Variants in SLC39A11 observed in about 807,000 individuals in gnomAD.
SLC39A11 encodes the protein zinc transporter ZIP11.
SLC39A11 carries 33 observed loss-of-function variants against 36.1 expected under a neutral mutation model. The observed-to-expected ratio is 0.91, with a 90% CI of 0.69 to 1.22. The LOEUF (loss-of-function observed/expected upper bound fraction) is 1.22, where lower values mean the gene tolerates loss of function less well. Ranked by LOEUF, SLC39A11 falls within the 50% of genes most tolerant of loss-of-function variation. The probability of loss-of-function intolerance (pLI) is 0.00; values close to 1 mark genes in which losing one functional copy is unlikely to be tolerated. For synonymous variants in SLC39A11, 166 were observed against 170.3 expected (o/e 0.97, Z 0.20); for missense variants, 432 against 430.3 (o/e 1.00, Z -0.03).
At chr17:72,969,865 T>C (rs972193548) in intron 4 of SLC39A11, among the ~76,000 whole-genome samples, 6 of 152,170 alleles carry the variant, frequency 3.9e-5, no homozygotes, top group Admixed American at 6.5e-5. Flanking sequence ...CAGAATATAA[T>C]GGCCTCTAAA....
chr17:73,083,002 G>GGACAACA (rs1375055118), intron 3 of SLC39A11, among the ~76,000 whole-genome samples: 3 of 124,900 alleles, frequency 2.4e-5, no homozygotes, highest in Non-Finnish European at 4.8e-5. Flanking sequence ...GACAACAGAG[G>GGACAACA]GAGACTCCAT....
intron 6 of SLC39A11, among the ~76,000 whole-genome samples, chr17:72,749,414 A>G (rs1057212511): frequency 7.2e-5 from 11 of 152,188 alleles, no homozygotes; most frequent in African/African-American, 2.2e-4. Flanking sequence ...GATTCACTGT[A>G]TGAAAGTGGA....
At chr17:72,714,784 A>C (rs111705612) in intron 7 of SLC39A11, among the ~76,000 whole-genome samples, 277 of 152,320 alleles carry the variant, frequency 1.8e-3, no homozygotes, top group African/African-American at 6.4e-3. Flanking sequence ...CATGGTCTGC[A>C]GCTGTTCACC....
intron 7 of SLC39A11, among the ~76,000 whole-genome samples, chr17:72,689,321 G>T (rs1325259100): frequency 1.3e-5 from 2 of 152,218 alleles, no homozygotes; most frequent in Non-Finnish European, 2.9e-5. Flanking sequence ...GTAATTGTTT[G>T]AAAGCGTTCA....
At chr17:72,902,499 GA>G (rs2146960326) in intron 5 of SLC39A11, among the ~76,000 whole-genome samples, 1 of 152,304 alleles carries the variant, frequency 6.6e-6, no homozygotes, top group Admixed American at 6.5e-5. Flanking sequence ...TGGTCTCCCT[GA>G]GAAAATAAAT....
intron 5 of SLC39A11, among the ~76,000 whole-genome samples, chr17:72,930,059 G>C (rs1182837143): frequency 6.6e-6 from 1 of 152,188 alleles, no homozygotes; most frequent in African/African-American, 2.4e-5. Context: ...CAGTTTCTGA[G>C]TTGAAATGTC....
chr17:72,784,663 T>C (rs2076442012), intron 6 of SLC39A11, among the ~76,000 whole-genome samples: 1 of 151,928 alleles, frequency 6.6e-6, no homozygotes, highest in Admixed American at 6.6e-5. Context: ...CGAGAGCTGG[T>C]TGTTTAAAAG....
intron 3 of SLC39A11, among the ~76,000 whole-genome samples, chr17:73,047,317 C>T (rs1415335920): frequency 6.6e-6 from 1 of 152,022 alleles, no homozygotes. Flanking sequence ...AGCCACCGCG[C>T]CCGGCAAGAA....
At chr17:72,754,041 TATATACACATACACAC>T (rs1337427549) in intron 6 of SLC39A11, among the ~76,000 whole-genome samples, 7 of 54,546 alleles carry the variant, frequency 1.3e-4, no homozygotes, top group Admixed American at 6.6e-4. Flanking sequence ...TATATATATA[TATATACACATACACAC>T]ACACACACAC....
chr17:72,778,451 A>C (rs763182082), intron 6 of SLC39A11, among the ~76,000 whole-genome samples: 24 of 152,390 alleles, frequency 1.6e-4, no homozygotes, highest in Non-Finnish European at 3.2e-4. Context: ...GTTCACCCTT[A>C]AGCACTGATA....
chr17:72,729,434 TATA>T (rs2074097051), intron 7 of SLC39A11, among the ~76,000 whole-genome samples: 2 of 3,474 alleles, frequency 5.8e-4, no homozygotes, highest in South Asian at 8.2e-3. Flanking sequence ...TATATATATA[TATA>T]TATATATATA....
chr17:72,753,028 T>C (rs2075213705), intron 6 of SLC39A11, among the ~76,000 whole-genome samples: 1 of 152,038 alleles, frequency 6.6e-6, no homozygotes. Context: ...GCTAATTTAT[T>C]TTTAGTTTTT....
At chr17:72,773,847 C>T (rs1014876304) in intron 6 of SLC39A11, among the ~76,000 whole-genome samples, 1 of 152,182 alleles carries the variant, frequency 6.6e-6, no homozygotes, top group African/African-American at 2.4e-5. Flanking sequence ...TAGCCACAGA[C>T]AAGGAGGAAC....
At chr17:72,684,633 G>A (rs905641126) in intron 7 of SLC39A11, among the ~76,000 whole-genome samples, 2 of 152,150 alleles carry the variant, frequency 1.3e-5, no homozygotes, top group African/African-American at 2.4e-5. Flanking sequence ...CTGGTTTATC[G>A]CGGCCACCAC....
At chr17:72,772,273 CT>C (rs1257610680) in intron 6 of SLC39A11, among the ~76,000 whole-genome samples, 5 of 152,232 alleles carry the variant, frequency 3.3e-5, no homozygotes, top group African/African-American at 1.2e-4. Context: ...CTCTGTGCCA[CT>C]GCTGGCACGT....
chr17:73,009,846 TC>T (rs1229961573), intron 4 of SLC39A11, among the ~76,000 whole-genome samples: 1 of 152,112 alleles, frequency 6.6e-6, no homozygotes, highest in African/African-American at 2.4e-5. Context: ...CATTAACTCG[TC>T]ATTTACATTA....
At chr17:72,730,849 T>C (rs1235032601) in intron 7 of SLC39A11, among the ~76,000 whole-genome samples, 1 of 152,096 alleles carries the variant, frequency 6.6e-6, no homozygotes, top group Admixed American at 6.5e-5. Flanking sequence ...TTTATAGAGA[T>C]GGGGTCTCCC....
At chr17:72,877,299 C>T (rs1184593782) in intron 5 of SLC39A11, among the ~76,000 whole-genome samples, 1 of 152,180 alleles carries the variant, frequency 6.6e-6, no homozygotes, top group Non-Finnish European at 1.5e-5. Context: ...TCTCTCTCAC[C>T]TCTCTTTGCT....
intron 5 of SLC39A11, among the ~76,000 whole-genome samples, chr17:72,870,083 A>G (rs917251253): frequency 1.3e-5 from 2 of 149,826 alleles, no homozygotes; most frequent in African/African-American, 4.9e-5. Context: ...CTGCATTTTT[A>G]AAAACTACCT....
Sources: allele counts gnomAD v4.1 joint callset (sites outside exome capture counted in the v4.1 genomes callset), GRCh38; gene constraint gnomAD v4.1.1; transcripts MANE v1.5; gene names NCBI Gene and HGNC (gene_info 2026-07-23, HGNC 2026-07-21).